RAPGEFL1: variants seen among roughly 807,000 people sequenced by gnomAD.
The protein encoded by RAPGEFL1 is rap guanine nucleotide exchange factor-like 1.
A neutral mutation model predicts 64.4 loss-of-function variants in RAPGEFL1; 31 were observed. That is an observed-to-expected ratio of 0.48 (90% CI 0.36 to 0.65). RAPGEFL1 has a LOEUF of 0.65. Ranked by LOEUF, RAPGEFL1 falls within the 30% of genes least tolerant of loss-of-function variation. The probability of loss-of-function intolerance (pLI) is 0.00; values close to 1 mark genes in which losing one functional copy is unlikely to be tolerated. For missense variants in RAPGEFL1, 682 were observed against 677.4 expected, an observed-to-expected ratio of 1.01 and a Z score of -0.08; for synonymous variants, 331 against 274.1, an observed-to-expected ratio of 1.21 and a Z score of -2.05.
upstream of RAPGEFL1, chr17:40,177,341 T>G: frequency 1.4e-6 from 1 of 700,514 alleles, no homozygotes; most frequent in Admixed American, 2.0e-5. Context: ...CCAAGTCCCT[T>G]ACTGTTTCCC....
intron 5 of RAPGEFL1, 76 bp from the exon 6 acceptor site, chr17:40,189,132 A>C: frequency 6.5e-7 from 1 of 1,531,552 alleles, no homozygotes; most frequent in Non-Finnish European, 9.0e-7. Context: ...TGGGGAATAG[A>C]GGCACCCTGG....
rs1989787225 is a variant in RAPGEFL1 at position 40,178,338 on chromosome 17, G to A, written c.477G>A (p.Leu159=). The A allele has an allele frequency of 3.5e-6, 2 of 569,872 alleles. No individual in the cohort carries two copies. The highest frequency in any genetic ancestry group is 2.0e-5 in the South Asian group (1 of 51,148). 35.3% of individuals were successfully genotyped at this position (569,872 alleles called of 1,614,324 possible). A position where few individuals can be genotyped will look rare whatever the true frequency, so the allele number is the denominator to read the frequency against. The change falls in exon 1 of 15, where the codon CTG becomes CTA. Residue 159 remains leucine, a synonymous_variant. Coordinates refer to ENST00000620260, the MANE Select transcript of RAPGEFL1 (RefSeq NM_016339.6). ...CCGAGCATCTTCTGAACCGGGTTCT[G>A]GAGCGGCTTGCTGGAGGGGCTACCA... ...ERPEHLLNRV[L]ERLAGGATRD...
At chr17:40,188,164 C>T (rs1990143895) in intron 4 of RAPGEFL1, among the ~76,000 whole-genome samples, 1 of 152,038 alleles carries the variant, frequency 6.6e-6, no homozygotes, top group African/African-American at 2.4e-5. Flanking sequence ...ATCTGCCCAC[C>T]TCAGCTTCCC....
intron 4 of RAPGEFL1, among the ~76,000 whole-genome samples, chr17:40,185,498 T>C (rs1057260336): frequency 1.4e-5 from 2 of 138,386 alleles, no homozygotes; most frequent in African/African-American, 5.5e-5. Context: ...TGGCTAACAT[T>C]GTGAAACCCT....
In RAPGEFL1 at chr17:40,191,901, T is replaced by C. The variant is rs746243994; in HGVS notation, c.1605+229T>C. On this transcript the variant is annotated intron_variant, in intron 10 of 14. Transcript: ENST00000620260. The surrounding 1 kb of genome is among the most constrained non-coding windows in gnomAD (Gnocchi z 5.1). ...CGCCTGAGTCACGGCAGGCAGCCCTTGGCCAGGTCAGGTCGCAGACTTGGC... is the reference window on the plus strand; with the variant it reads ...CGCCTGAGTCACGGCAGGCAGCCCTCGGCCAGGTCAGGTCGCAGACTTGGC... 1.3e-5 allele frequency among the ~76,000 whole-genome samples: 2 copies of C among 152,240 alleles called. No individual in the cohort carries two copies. Among genetic ancestry groups the C allele is most frequent in the African/African-American group, 2.4e-5 (1 of 41,472 alleles).
chr17:40,184,376 T>C, intron 3 of RAPGEFL1, 27 bp downstream of exon 3: 2 of 1,583,894 alleles, frequency 1.3e-6, no homozygotes, highest in Non-Finnish European at 1.7e-6. Context: ...AGAAGGTGGG[T>C]AAACAGGCTA....
chr17:40,190,660 C>G lies in RAPGEFL1; in HGVS notation c.1233C>G (p.Ile411Met). 1 of 1,614,134 alleles carries G rather than the reference C, an allele frequency of 6.2e-7. No individual in the cohort carries two copies. The highest frequency in any genetic ancestry group is 8.5e-7 in the Non-Finnish European group (1 of 1,179,996). Residue 411 changes from isoleucine to methionine, a missense_variant, in exon 8 of 15, where the codon ATC becomes ATG. This residue lies in a region of RAPGEFL1 where 411 missense variants were observed against 519.4 expected (regional missense o/e 0.79). Transcript: ENST00000620260. ...YEALVPLPEE[I>M]QVSPGDTEIH... ...ACCAGGTGCCCCTCCCCGAGGAGAT[C>G]CAGGTCTCCCCTGGAGACACAGAGA... is the stretch of plus-strand genomic sequence containing the variant.
chr17:40,184,687 G>T lies in RAPGEFL1; in HGVS notation c.833+9G>T, dbSNP rs765536951. 4 of 1,528,860 alleles carry T rather than the reference G, an allele frequency of 2.6e-6. No individual in the cohort carries two copies. The highest frequency in any genetic ancestry group is 3.6e-6 in the Non-Finnish European group (4 of 1,115,000). 94.7% of individuals were successfully genotyped at this position (1,528,860 alleles called of 1,614,324 possible). On this transcript the variant is annotated intron_variant, in intron 4 of 14. Transcript: ENST00000620260. Reference sequence around the variant, plus strand: ...GAGACGGTGGAACTAAAGTGAGGGGGAGTGGGGCAGGGGCGGGAACAGGAA... The same window carrying T: ...GAGACGGTGGAACTAAAGTGAGGGGTAGTGGGGCAGGGGCGGGAACAGGAA...
At chr17:40,185,800 A>AG (rs1567693609) in intron 4 of RAPGEFL1, among the ~76,000 whole-genome samples, 1 of 149,370 alleles carries the variant, frequency 6.7e-6, no homozygotes, top group Non-Finnish European at 1.5e-5. Context: ...AAAAAAAAAA[A>AG]AAAGAAAAGA....
rs796642196 is a variant in RAPGEFL1 at position 40,189,181 on chromosome 17, G to A, written c.947-27G>A. 1.9e-6 allele frequency: 3 copies of A among 1,612,080 alleles called. No individual in the cohort carries two copies. In the South Asian group the frequency reaches 3.3e-5, roughly 18 times the overall value. On this transcript the variant is annotated intron_variant, in intron 5 of 14. Coordinates refer to ENST00000620260, the MANE Select transcript of RAPGEFL1 (RefSeq NM_016339.6). ...AGCTGCTGCCACTCTGCCCTCTGTT[G>A]AAAGCCATTTTCCTGTTTCCGTCCA...
rs1243005362 is a variant in RAPGEFL1, at chr17:40,181,199, T to A, written c.521-417T>A. The A allele has an allele frequency of 1.2e-5, 5 of 407,626 alleles. No homozygotes were observed. The East Asian group carries it at 3.6e-4, about 29-fold the overall frequency. 25.3% of individuals were successfully genotyped at this position (407,626 alleles called of 1,614,324 possible). A position where few individuals can be genotyped will look rare whatever the true frequency, so the allele number is the denominator to read the frequency against. ...TGGGAAATGGGGAGGGGAAGAGGGA[T>A]ACACACACATGCACACACACAGTCC... On this transcript the variant is annotated intron_variant, in intron 1 of 14. Coordinates refer to ENST00000620260, the MANE Select transcript of RAPGEFL1 (RefSeq NM_016339.6).
intron 4 of RAPGEFL1, among the ~76,000 whole-genome samples, chr17:40,186,786 C>T (rs969241199): frequency 5.3e-5 from 8 of 149,904 alleles, no homozygotes; most frequent in African/African-American, 1.2e-4. Flanking sequence ...CCCAGCTACA[C>T]GGGAGGCTGA....
At chr17:40,187,485 C>T (rs1990114060) in intron 4 of RAPGEFL1, among the ~76,000 whole-genome samples, 1 of 152,154 alleles carries the variant, frequency 6.6e-6, no homozygotes, top group Admixed American at 6.6e-5. Flanking sequence ...CCTTCCCTTT[C>T]TGCCTTCTGC....
chr17:40,181,868 G>A (rs958286216), intron 2 of RAPGEFL1, among the ~76,000 whole-genome samples, 174 bp downstream of exon 2: 2 of 152,002 alleles, frequency 1.3e-5, no homozygotes, highest in Non-Finnish European at 2.9e-5. Context: ...GATCACCTGA[G>A]GTCAGGAGAT....
Position 40,178,083 on chromosome 17 carries a change from G to T in RAPGEFL1, c.222G>T (p.Glu74Asp). Residue 74 changes from glutamate (E) to aspartate (D), a missense_variant, in exon 1 of 15, where the codon GAG becomes GAT. Glu to Asp is a conservative substitution (Grantham distance 45). Transcript: ENST00000620260. ...CTTTCCTCCGGGAGCCCCCCGCCGA[G>T]CCGGGGCTGGAGCCGCCCCCTGAGG... is the stretch of plus-strand genomic sequence containing the variant. ...LPAFLREPPA[E>D]PGLEPPPEEE... is the part of the protein sequence containing the mutation. 1.7e-6 allele frequency: 1 copy of T among 603,398 alleles called. No homozygotes were observed. The highest frequency in any genetic ancestry group is 2.9e-6 in the Non-Finnish European group (1 of 341,348). 37.4% of individuals were successfully genotyped at this position (603,398 alleles called of 1,614,324 possible).
At chr17:40,192,785 C>G in intron 12 of RAPGEFL1, 92 bp downstream of exon 12, 1 of 1,384,216 alleles carries the variant, frequency 7.2e-7, no homozygotes, top group Non-Finnish European at 1.0e-6. Flanking sequence ...CTCGACTCAG[C>G]CCTGAGTACC....
chr17:40,187,912 C>CTTTTT (rs1004508368), intron 4 of RAPGEFL1, among the ~76,000 whole-genome samples: 2 of 125,156 alleles, frequency 1.6e-5, no homozygotes, highest in Non-Finnish European at 3.4e-5. Context: ...CGCGCCTGGC[C>CTTTTT]TTTTTTTTTT....
Position 40,194,805 on chromosome 17 carries a change from C to G in RAPGEFL1, c.*1017C>G, listed in dbSNP as rs991417299. The G allele has an allele frequency of 2.6e-5, 4 of 152,466 alleles. No homozygotes were observed. The highest frequency in any genetic ancestry group is 4.4e-5 in the Non-Finnish European group (3 of 68,164). The allele number at this position is 152,466 out of a possible 1,614,324, so 9.4% of individuals were successfully genotyped here. A position where few individuals can be genotyped will look rare whatever the true frequency, so the allele number is the denominator to read the frequency against. On this transcript the variant is annotated 3_prime_UTR_variant, in exon 15 of 15. Transcript: ENST00000620260. Reference sequence around the variant, plus strand: ...GGTCTCTGTCCCTCTCTCTTTGACTCTCCCTTTGTCCTCCCCATAGAGCTG... The same window carrying G: ...GGTCTCTGTCCCTCTCTCTTTGACTGTCCCTTTGTCCTCCCCATAGAGCTG...
Position 40,177,698 on chromosome 17 carries a change from C to G in RAPGEFL1, c.-164C>G, listed in dbSNP as rs1989753954. On this transcript the variant is annotated 5_prime_UTR_variant, in exon 1 of 15. Coordinates refer to ENST00000620260, the MANE Select transcript of RAPGEFL1 (RefSeq NM_016339.6). ...CCTCCCCCGGCTACTGGCCACTGGA[C>G]TCTGGCCAGCGAGGCTCGGCCCCTC... 1 of 412,030 alleles carries G rather than the reference C, an allele frequency of 2.4e-6. No individual in the cohort carries two copies. Among genetic ancestry groups the G allele is most frequent in the African/African-American group, 2.1e-5 (1 of 48,622 alleles). The allele number at this position is 412,030 out of a possible 1,614,324, so 25.5% of individuals were successfully genotyped here. A position where few individuals can be genotyped will look rare whatever the true frequency, so the allele number is the denominator to read the frequency against.
Sources: allele counts gnomAD v4.1 joint callset (sites outside exome capture counted in the v4.1 genomes callset), GRCh38; gene constraint gnomAD v4.1.1; regional missense constraint gnomAD v4.1.1; non-coding constraint Gnocchi (gnomAD v3.1); transcripts MANE v1.5; gene names NCBI Gene and HGNC (gene_info 2026-07-23, HGNC 2026-07-21).